The following PDXDC1 variants were observed in gnomAD, a reference collection of about 807,000 sequenced individuals.
The protein encoded by PDXDC1 is pyridoxal-dependent decarboxylase domain-containing protein 1.
In PDXDC1, 42 loss-of-function variants were observed where a neutral mutation model predicts 100.1. That is an observed-to-expected ratio of 0.42 (90% confidence interval 0.33 to 0.54). The LOEUF is 0.54. Among genes scored for constraint, PDXDC1 ranks in the 20% least tolerant of loss-of-function variants. The probability of loss-of-function intolerance (pLI) is 0.10; values close to 1 mark genes in which losing one functional copy is unlikely to be tolerated. For missense variants in PDXDC1, 636 were observed against 979.2 expected, an observed-to-expected ratio of 0.65 and a Z score of 4.68; for synonymous variants, 260 against 371.7, an observed-to-expected ratio of 0.70 and a Z score of 3.46.
At chr16:15,147,603 T>C in the PDXDC1 span, among the ~76,000 whole-genome samples, 1 of 152,164 alleles carries the variant, frequency 6.6e-6, no homozygotes, top group Non-Finnish European at 1.5e-5. Flanking sequence ...CTTGCCTCAC[T>C]GCAACCTCTG....
rs1036066573 is a variant in PDXDC1, at chr16:15,047,160, G to A, written c.1399+17104G>A. On this transcript the variant is annotated intron_variant, in intron 16 of 16. Coordinates refer to the PDXDC1 transcript ENST00000535621. ...TACCACACCCGGGGGAGAGCAAAAC[G>A]ATGTGAAAATCGCAACCTCGACGTT... 9 of 462,604 alleles carry A rather than the reference G, an allele frequency of 1.9e-5. No homozygotes were observed. In the East Asian group the frequency reaches 2.3e-4, roughly 12 times the overall value. 28.7% of individuals were successfully genotyped at this position (462,604 alleles called of 1,614,324 possible).
intron 16 of PDXDC1, chr16:15,094,348 C>A (rs1464611996): frequency 3.1e-6 from 3 of 972,188 alleles, no homozygotes; most frequent in Non-Finnish European, 4.7e-6. Context: ...ATCAGCGGCC[C>A]CGCGTGGGGA....
At chr16:15,140,219 C>T (rs896832919), downstream of PDXDC1, among the ~76,000 whole-genome samples, 16 of 149,742 alleles carry the variant, frequency 1.1e-4, no homozygotes, top group African/African-American at 3.7e-4. Flanking sequence ...CTGAGGCGGG[C>T]GGATCACCTG....
chr16:14,987,992 CTTTTTTTT>C (rs58211541), intron 1 of PDXDC1, among the ~76,000 whole-genome samples: 2 of 134,580 alleles, frequency 1.5e-5, no homozygotes, highest in African/African-American at 2.8e-5. Flanking sequence ...TTATACAATT[CTTTTTTTT>C]TTTTTTTTTT....
chr16:14,985,990 G>A (rs1969275198), intron 1 of PDXDC1, among the ~76,000 whole-genome samples: 1 of 152,272 alleles, frequency 6.6e-6, no homozygotes, highest in Non-Finnish European at 1.5e-5. Flanking sequence ...AGCCATGTCT[G>A]CTCAGGGGGC....
chr16:15,004,642 A>G (rs1207047537), intron 5 of PDXDC1, among the ~76,000 whole-genome samples: 1 of 152,268 alleles, frequency 6.6e-6, no homozygotes, highest in Non-Finnish European at 1.5e-5. Flanking sequence ...ATGTCGGTAG[A>G]AGATAGAGCA....
intron 16 of PDXDC1, among the ~76,000 whole-genome samples, chr16:15,088,439 G>A (rs1693243540): frequency 6.6e-6 from 1 of 152,278 alleles, no homozygotes; most frequent in East Asian, 1.9e-4. Context: ...TTACACTCCA[G>A]CCCGGGTGAC....
At chr16:14,996,173 G>T (rs1399737059) in intron 1 of PDXDC1, among the ~76,000 whole-genome samples, 2 of 152,272 alleles carry the variant, frequency 1.3e-5, no homozygotes, top group Non-Finnish European at 2.9e-5. Context: ...AAAATCCCTG[G>T]ACTAGATCCC....
intron 16 of PDXDC1, chr16:15,084,651 T>C (rs2045843355): frequency 6.2e-7 from 1 of 1,608,120 alleles, no homozygotes; most frequent in Non-Finnish European, 8.5e-7. Context: ...CGATGGTACA[T>C]ATCTTGCTAT....
intron 16 of PDXDC1, among the ~76,000 whole-genome samples, chr16:15,097,468 CAAAAAAAAAAA>C (rs71152407): frequency 3.0e-5 from 2 of 65,854 alleles, no homozygotes; most frequent in Non-Finnish European, 2.6e-5. Flanking sequence ...ACTAAAAATA[CAAAAAAAAAAA>C]AAAAAAAAAA....
chr16:15,124,575 C>G (rs1260982997), intron 16 of PDXDC1, among the ~76,000 whole-genome samples: 1 of 149,240 alleles, frequency 6.7e-6, no homozygotes. Context: ...GAGTTCCAGA[C>G]CAGCCTGGCC....
At chr16:15,049,689 G>A (rs1597806356) in intron 16 of PDXDC1, among the ~76,000 whole-genome samples, 1 of 152,174 alleles carries the variant, frequency 6.6e-6, no homozygotes, top group East Asian at 1.9e-4. Context: ...GCCTCCCAAG[G>A]TGCTGGGATT....
chr16:15,005,238 A>G (rs554166099), intron 5 of PDXDC1, among the ~76,000 whole-genome samples: 1 of 151,960 alleles, frequency 6.6e-6, no homozygotes, highest in South Asian at 2.1e-4. Flanking sequence ...GAGCACCTGT[A>G]GTCCCAGCTC....
At chr16:15,136,362 G>A (rs2048346457) in intron 16 of PDXDC1, among the ~76,000 whole-genome samples, 1 of 152,158 alleles carries the variant, frequency 6.6e-6, no homozygotes, top group Admixed American at 6.5e-5. Flanking sequence ...GGCGTGCCCA[G>A]GAGTGTCCGG....
chr16:14,974,851 G>A (rs1478196218), upstream of PDXDC1: 2 of 1,535,524 alleles, frequency 1.3e-6, no homozygotes, highest in African/African-American at 1.4e-5. Context: ...ATAGTACTTT[G>A]TGATTATTAT....
chr16:15,128,232 C>G, intron 16 of PDXDC1: 1 of 1,611,320 alleles, frequency 6.2e-7, no homozygotes, highest in Non-Finnish European at 8.5e-7. Context: ...CTTTGTCGTG[C>G]CACACTCGGA....
chr16:14,993,843 T>C (rs367734276), intron 1 of PDXDC1, among the ~76,000 whole-genome samples: 182 of 137,398 alleles, frequency 1.3e-3, no homozygotes, highest in East Asian at 0.012. Flanking sequence ...TTCTAACTGG[T>C]GTGAGATGGT....
At chr16:15,136,433 G>A (rs1315553341) in intron 16 of PDXDC1, 8 of 601,262 alleles carry the variant, frequency 1.3e-5, no homozygotes, top group African/African-American at 5.6e-5. Context: ...CGGCCCCACC[G>A]GCCGGCGCCA....
At chr16:15,097,618 G>C (rs1267238257) in intron 16 of PDXDC1, among the ~76,000 whole-genome samples, 1 of 151,120 alleles carries the variant, frequency 6.6e-6, no homozygotes, top group Non-Finnish European at 1.5e-5. Context: ...CCCCAGCCTG[G>C]GTGACAGAGT....
Sources: allele counts gnomAD v4.1 joint callset (sites outside exome capture counted in the v4.1 genomes callset), GRCh38; gene constraint gnomAD v4.1.1; transcripts MANE v1.5; gene names NCBI Gene and HGNC (gene_info 2026-07-23, HGNC 2026-07-21).